Variants in AGO3 observed in about 807,000 individuals in gnomAD.
AGO3 encodes the protein protein argonaute-3.
A neutral mutation model predicts 105.5 loss-of-function variants in AGO3; 16 were observed. The observed-to-expected ratio is 0.15, with a 90% CI of 0.10 to 0.23. The LOEUF (loss-of-function observed/expected upper bound fraction) is 0.23, where lower values mean the gene tolerates loss of function less well. AGO3 is among the 10% of genes least tolerant of loss of function. The probability of loss-of-function intolerance (pLI) is 1.00; values close to 1 mark genes in which losing one functional copy is unlikely to be tolerated. For missense variants in AGO3, 534 were observed against 1,088.0 expected (o/e 0.49, Z 7.16); for synonymous variants, 340 against 367.3 (o/e 0.93, Z 0.85).
intron 5 of AGO3, among the ~76,000 whole-genome samples, chr1:35,993,957 G>T (rs922929408): frequency 3.3e-5 from 5 of 149,410 alleles, no homozygotes; most frequent in African/African-American, 1.2e-4. Context: ...TGTTGGCCAG[G>T]CGTGTCTCAA....
rs912547301 is a variant in AGO3, at chr1:36,070,643, C to G, written c.*14898C>G. On this transcript the variant is annotated 3_prime_UTR_variant, in exon 19 of 19. Coordinates refer to ENST00000373191, the MANE Select transcript of AGO3 (RefSeq NM_024852.4). ...CACAGATGCCAACCTCCCCTTGTTG[C>G]AGGCAGTTGGGCTTTTCCAACTCAT... The G allele has an allele frequency of 6.6e-6, 1 of 152,182 alleles. No homozygotes were observed. Among genetic ancestry groups the G allele is most frequent in the Non-Finnish European group, 1.5e-5 (1 of 68,036 alleles). 9.4% of individuals were successfully genotyped at this position (152,182 alleles called of 1,614,324 possible).
At chr1:36,003,709 A>AAAAAATATATATAT (rs1295618675) in intron 5 of AGO3, among the ~76,000 whole-genome samples, 4 of 99,432 alleles carry the variant, frequency 4.0e-5, no homozygotes, top group East Asian at 2.9e-4. Flanking sequence ...AAAAAAAAAA[A>AAAAAATATATATAT]ATATATATAT....
intron 2 of AGO3, among the ~76,000 whole-genome samples, chr1:35,951,192 C>T (rs1488723212): frequency 6.6e-6 from 1 of 152,182 alleles, no homozygotes; most frequent in Non-Finnish European, 1.5e-5. Context: ...CTCAGGTGAT[C>T]CACCCACCTC....
At chr1:35,998,732 C>T (rs559874811) in intron 5 of AGO3, among the ~76,000 whole-genome samples, 7 of 152,224 alleles carry the variant, frequency 4.6e-5, no homozygotes, top group African/African-American at 1.7e-4. Flanking sequence ...AGATACTAAG[C>T]ATTTGTTAAA....
At chr1:35,961,668 A>G (rs966345084) in intron 2 of AGO3, among the ~76,000 whole-genome samples, 2 of 152,088 alleles carry the variant, frequency 1.3e-5, no homozygotes, top group East Asian at 3.9e-4. Context: ...CCTTCTCATT[A>G]TATTTGAATT....
intron 3 of AGO3, among the ~76,000 whole-genome samples, chr1:35,967,802 G>T (rs1167355266): frequency 6.6e-6 from 1 of 152,076 alleles, no homozygotes; most frequent in Admixed American, 6.6e-5. Flanking sequence ...ACATTGATAT[G>T]ATACTTTTAT....
rs376997221 is a variant in AGO3 at position 35,931,375 on chromosome 1, C to G, written c.-52C>G. On this transcript the variant is annotated 5_prime_UTR_variant, in exon 1 of 19. Coordinates refer to ENST00000373191, the MANE Select transcript of AGO3 (RefSeq NM_024852.4). ...CGTCGCCCCCCGGGCCGCCTCCTTG[C>G]CGCCAGTGGCGGGCTCCGTTCTCCC... The G allele has an allele frequency of 2.1e-6, 3 of 1,414,596 alleles. No homozygotes were observed. The highest frequency in any genetic ancestry group is 5.6e-5 in the East Asian group (2 of 35,518). 87.6% of individuals were successfully genotyped at this position (1,414,596 alleles called of 1,614,324 possible).
At chr1:36,014,929 A>G (rs1378571182) in intron 11 of AGO3, among the ~76,000 whole-genome samples, 1 of 152,198 alleles carries the variant, frequency 6.6e-6, no homozygotes, top group Non-Finnish European at 1.5e-5. Context: ...ACACCAGAGC[A>G]ATCAACACAG....
At chr1:36,014,391 C>G (rs1443603670) in intron 11 of AGO3, among the ~76,000 whole-genome samples, 3 of 151,866 alleles carry the variant, frequency 2.0e-5, no homozygotes, top group Non-Finnish European at 4.4e-5. Flanking sequence ...CTCCTGACCT[C>G]AGGTGATCTG....
Position 36,009,606 on chromosome 1 carries a change from A to G in AGO3, c.1149+12A>G. On this transcript the variant is annotated intron_variant, in intron 9 of 18. Transcript: ENST00000373191. ...AAATTAGCAGATTGGTTAGTACTTA[A>G]CCTTAGAAATGAGAATTTAAAACAT... 6.2e-7 allele frequency: 1 copy of G among 1,603,190 alleles called. No individual in the cohort carries two copies. Among genetic ancestry groups the G allele is most frequent in the Non-Finnish European group, 8.5e-7 (1 of 1,177,024 alleles).
chr1:35,937,004 TGA>T (rs1184606242), intron 1 of AGO3, among the ~76,000 whole-genome samples: 1 of 152,202 alleles, frequency 6.6e-6, no homozygotes, highest in Non-Finnish European at 1.5e-5. Context: ...TCTAACAATA[TGA>T]GAGAGACATA....
At chr1:36,015,722 C>T (rs1021182377) in intron 11 of AGO3, among the ~76,000 whole-genome samples, 2 of 152,212 alleles carry the variant, frequency 1.3e-5, no homozygotes, top group Non-Finnish European at 2.9e-5. Context: ...TAGCAGCAAG[C>T]ATCATTGTCT....
intron 17 of AGO3, among the ~76,000 whole-genome samples, chr1:36,047,615 T>TA (rs1642530052): frequency 6.6e-6 from 1 of 151,954 alleles, no homozygotes; most frequent in Non-Finnish European, 1.5e-5. Flanking sequence ...CATGGTGGCT[T>TA]ACACCTGTAA....
At chr1:35,971,458 C>CT (rs911735179) in intron 3 of AGO3, among the ~76,000 whole-genome samples, 31 of 147,200 alleles carry the variant, frequency 2.1e-4, no homozygotes, top group East Asian at 9.8e-4. Context: ...TGCGCCTGGC[C>CT]TTTTTTTTTT....
intron 16 of AGO3, among the ~76,000 whole-genome samples, chr1:36,042,064 C>A (rs976754253): frequency 3.3e-5 from 5 of 152,252 alleles, no homozygotes; most frequent in African/African-American, 1.2e-4. Context: ...TCCTCACCAA[C>A]AAGATTATGA....
chr1:36,069,710 G>A lies in AGO3; in HGVS notation c.*13965G>A, dbSNP rs759395105. The A allele has an allele frequency of 6.6e-6, 1 of 152,156 alleles. No homozygotes were observed. Among genetic ancestry groups the A allele is most frequent in the African/African-American group, 2.4e-5 (1 of 41,428 alleles). 9.4% of individuals were successfully genotyped at this position (152,156 alleles called of 1,614,324 possible). Reference sequence around the variant, plus strand: ...TTTCAAAAACCAAATGATTTTAGTGGTGCTATGGCAGCTGCAGTTTTGAGT... The same window carrying A: ...TTTCAAAAACCAAATGATTTTAGTGATGCTATGGCAGCTGCAGTTTTGAGT... On this transcript the variant is annotated 3_prime_UTR_variant, in exon 19 of 19. Coordinates refer to ENST00000373191, the MANE Select transcript of AGO3 (RefSeq NM_024852.4).
chr1:35,945,747 C>G lies in AGO3; in HGVS notation c.75C>G (p.Thr25=). The G allele has an allele frequency of 1.2e-6, 2 of 1,613,388 alleles. No homozygotes were observed. The highest frequency in any genetic ancestry group is 1.1e-5 in the South Asian group (1 of 91,028). The part of the protein sequence containing the change: ...LMVPRRPGYG[T]MGKPIKLLAN... ...TGCCCAGAAGACCTGGCTATGGCAC[C>G]ATGGGCAAACCCATTAAACTGCTGG... The change falls in exon 2 of 19, where the codon ACC becomes ACG. Residue 25 remains threonine (T), a synonymous_variant. Coordinates refer to ENST00000373191, the MANE Select transcript of AGO3 (RefSeq NM_024852.4).
rs112277112 is a variant in AGO3 at position 36,002,752 on chromosome 1, A to G, written c.659-1589A>G. Among the ~76,000 whole-genome samples, 213 of 151,808 alleles carry G rather than the reference A, an allele frequency of 1.4e-3. 2 individuals carry two copies. Among genetic ancestry groups the G allele is most frequent in the African/African-American group, 4.6e-3 (189 of 41,380 alleles). On this transcript the variant is annotated intron_variant, in intron 5 of 18. Coordinates refer to ENST00000373191, the MANE Select transcript of AGO3 (RefSeq NM_024852.4). ...AGAGGTAAGGAACATTTTATGGAGG[A>G]CATTTAATGCTAAACCAAGGAAAGC...
chr1:35,975,528 G>T (rs906713571), intron 5 of AGO3, among the ~76,000 whole-genome samples: 3 of 151,866 alleles, frequency 2.0e-5, no homozygotes, highest in African/African-American at 7.3e-5. Flanking sequence ...TTGACCTTTG[G>T]TATTGTGATG....
Sources: gnomAD v4.1 joint callset for allele counts (sites outside exome capture counted in the v4.1 genomes callset) on GRCh38, gnomAD v4.1.1 for gene constraint, MANE v1.5 for transcripts, NCBI Gene and HGNC (gene_info 2026-07-23, HGNC 2026-07-21) for gene names.